The following RBFOX3 variants were observed in gnomAD, a reference collection of about 807,000 sequenced individuals.
RBFOX3 encodes RNA binding protein fox-1 homolog 3.
RBFOX3 carries 17 observed loss-of-function variants against 48.7 expected under a neutral mutation model. That is an observed-to-expected ratio of 0.35 (90% confidence interval 0.24 to 0.52). The LOEUF is 0.52. RBFOX3 is among the 20% of genes least tolerant of loss of function. The probability of loss-of-function intolerance (pLI) is 0.94; values close to 1 mark genes in which losing one functional copy is unlikely to be tolerated. For synonymous variants in RBFOX3, 212 were observed against 209.5 expected (o/e 1.01, Z -0.10); for missense variants, 382 against 497.5 (o/e 0.77, Z 2.21).
Position 79,095,582 on chromosome 17 carries a change from G to GT in RBFOX3, c.937-9dup. 1.3e-6 allele frequency: 2 copies of GT among 1,550,922 alleles called. No homozygotes were observed. The highest frequency in any genetic ancestry group is 2.4e-5 in the East Asian group (1 of 40,898). On this transcript the variant is annotated splice_polypyrimidine_tract_variant and intron_variant, in intron 12 of 14. Coordinates refer to ENST00000693108, the MANE Select transcript of RBFOX3 (RefSeq NM_001350451.2). ...GTAGGCTGCGTAGCCTCCCTGCAGGGTAAGTGGGAGGAGAGAGAGCAGAGG... is the reference window on the plus strand; with the variant it reads ...GTAGGCTGCGTAGCCTCCCTGCAGGGTTAAGTGGGAGGAGAGAGAGCAGAGG...
chr17:79,600,062 G>A (rs2093669259), intron 1 of RBFOX3: 2 of 152,232 alleles, frequency 1.3e-5, no homozygotes, highest in African/African-American at 4.8e-5. Context: ...AAGAAGGACG[G>A]CCGCAGGGCT....
chr17:79,436,513 G>A (rs2069486416), intron 2 of RBFOX3, among the ~76,000 whole-genome samples: 1 of 152,178 alleles, frequency 6.6e-6, no homozygotes, highest in African/African-American at 2.4e-5. Flanking sequence ...CAGAGCCCAG[G>A]ACACCCGGGA....
At chr17:79,405,476 CT>C (rs60386992) in intron 2 of RBFOX3, among the ~76,000 whole-genome samples, 5,453 of 152,006 alleles carry the variant, frequency 0.036, 143 homozygotes, top group Middle Eastern at 0.085. Context: ...GGCATGGTGG[CT>C]TTATCCTGCA....
At chr17:79,119,021 G>A (rs887394719) in intron 4 of RBFOX3, among the ~76,000 whole-genome samples, 2 of 149,148 alleles carry the variant, frequency 1.3e-5, no homozygotes, top group Non-Finnish European at 3.0e-5. Flanking sequence ...AAAAGAAAGC[G>A]CAGCTCCTGT....
chr17:79,380,669 C>T (rs1198359486), intron 2 of RBFOX3, among the ~76,000 whole-genome samples: 1 of 152,226 alleles, frequency 6.6e-6, no homozygotes, highest in Non-Finnish European at 1.5e-5. Flanking sequence ...ACCAGCTTTG[C>T]ACTGAGAACC....
At chr17:79,277,306 G>C (rs200532497) in intron 3 of RBFOX3, among the ~76,000 whole-genome samples, 3 of 145,450 alleles carry the variant, frequency 2.1e-5, no homozygotes. Flanking sequence ...GGTGGGGAGG[G>C]GGGGGGTAGT....
intron 2 of RBFOX3, among the ~76,000 whole-genome samples, chr17:79,445,113 C>T (rs1165371973): frequency 2.6e-5 from 4 of 152,206 alleles, no homozygotes; most frequent in Non-Finnish European, 5.9e-5. Context: ...TAATATTCCA[C>T]TGCAGGGACA....
chr17:79,442,201 G>T (rs2149022063), intron 2 of RBFOX3, among the ~76,000 whole-genome samples: 1 of 140,588 alleles, frequency 7.1e-6, no homozygotes, highest in African/African-American at 2.6e-5. Context: ...AGAAGAGAGA[G>T]GAGGAGGGAG....
chr17:79,544,244 G>A (rs2090100341), intron 1 of RBFOX3, among the ~76,000 whole-genome samples: 1 of 152,082 alleles, frequency 6.6e-6, no homozygotes. Flanking sequence ...TTCCAGCCTT[G>A]TGGAAGAAAC....
At chr17:79,467,240 C>A (rs2076437734) in intron 2 of RBFOX3, among the ~76,000 whole-genome samples, 1 of 152,166 alleles carries the variant, frequency 6.6e-6, no homozygotes, top group African/African-American at 2.4e-5. Context: ...CCCATGGAAA[C>A]CTCTCCTCTG....
intron 4 of RBFOX3, among the ~76,000 whole-genome samples, chr17:79,181,625 C>A (rs927370991): frequency 2.2e-5 from 1 of 46,092 alleles, no homozygotes; most frequent in Non-Finnish European, 4.0e-5. Context: ...CAGGCCACTG[C>A]CGGCCACCCT....
chr17:79,312,291 A>AAAG (rs971327243), intron 2 of RBFOX3, among the ~76,000 whole-genome samples: 13 of 151,010 alleles, frequency 8.6e-5, no homozygotes, highest in Non-Finnish European at 1.6e-4. Context: ...ATTAAGAAAA[A>AAAG]AAAAAAAAGA....
chr17:79,476,022 C>A (rs2077689973), intron 2 of RBFOX3, among the ~76,000 whole-genome samples: 1 of 152,228 alleles, frequency 6.6e-6, no homozygotes, highest in Non-Finnish European at 1.5e-5. Flanking sequence ...ATTTCCAGCC[C>A]CACTGGCCAG....
At chr17:79,138,863 CCCT>C (rs1371622680) in intron 4 of RBFOX3, among the ~76,000 whole-genome samples, 8 of 143,258 alleles carry the variant, frequency 5.6e-5, no homozygotes, top group East Asian at 2.1e-4. Flanking sequence ...CATTCACGCC[CCCT>C]CTCACCCACA....
At chr17:79,295,108 C>G (rs143135638) in intron 3 of RBFOX3, among the ~76,000 whole-genome samples, 2 of 152,262 alleles carry the variant, frequency 1.3e-5, no homozygotes, top group African/African-American at 4.8e-5. Flanking sequence ...TGAGAGAAGA[C>G]GGCCACAGGG....
intron 3 of RBFOX3, among the ~76,000 whole-genome samples, chr17:79,251,901 C>G (rs2064018887): frequency 6.6e-6 from 1 of 152,212 alleles, no homozygotes; most frequent in Admixed American, 6.5e-5. Flanking sequence ...TTACAGCTCC[C>G]CAGTGGCCGA....
At chr17:79,402,501 C>T (rs2062936175) in intron 2 of RBFOX3, among the ~76,000 whole-genome samples, 1 of 152,134 alleles carries the variant, frequency 6.6e-6, no homozygotes, top group Admixed American at 6.5e-5. Flanking sequence ...TTAACGATCC[C>T]CTGAGAAGCT....
chr17:79,101,770 C>T, intron 8 of RBFOX3, 126 bp from the exon 9 acceptor site: 1 of 847,748 alleles, frequency 1.2e-6, no homozygotes, highest in Non-Finnish European at 1.9e-6. Context: ...CTCTCTCCAC[C>T]ATGCTGCCTG....
intron 2 of RBFOX3, among the ~76,000 whole-genome samples, chr17:79,313,338 C>T (rs989716501): frequency 4.6e-5 from 7 of 152,170 alleles, no homozygotes; most frequent in African/African-American, 1.4e-4. Context: ...GTCCAGAGCA[C>T]GGACCTCCCA....
Sources: gnomAD v4.1 joint callset for allele counts (sites outside exome capture counted in the v4.1 genomes callset) on GRCh38, gnomAD v4.1.1 for gene constraint, MANE v1.5 for transcripts, NCBI Gene and HGNC (gene_info 2026-07-23, HGNC 2026-07-21) for gene names.